Variants in AMDHD1 observed in about 807,000 individuals in gnomAD.
AMDHD1 encodes the protein probable imidazolonepropionase.
A neutral mutation model predicts 44.1 loss-of-function variants in AMDHD1; 45 were observed. That is an observed-to-expected ratio of 1.02 (90% CI 0.80 to 1.31). The LOEUF is 1.31. Among genes scored for constraint, AMDHD1 ranks in the 50% most tolerant of loss-of-function variants. AMDHD1 has a pLI of 0.00. For missense variants in AMDHD1, 586 were observed against 552.1 expected (o/e 1.06, Z -0.61); for synonymous variants, 206 against 205.0 (o/e 1.00, Z -0.04).
intron 3 of AMDHD1, 87 bp from the exon 4 acceptor site, chr12:95,956,598 A>G: frequency 1.9e-6 from 3 of 1,540,324 alleles, no homozygotes; most frequent in South Asian, 2.5e-5. Context: ...CTTAATCATT[A>G]TATAATATTG....
intron 5 of AMDHD1, among the ~76,000 whole-genome samples, chr12:95,961,105 A>G (rs1033633893): frequency 1.4e-5 from 2 of 143,242 alleles, no homozygotes; most frequent in African/African-American, 5.3e-5. Flanking sequence ...AGATCATGCC[A>G]CTGCACTCCA....
chr12:95,965,284 C>G (rs566945154), intron 6 of AMDHD1, among the ~76,000 whole-genome samples: 25 of 112,864 alleles, frequency 2.2e-4, no homozygotes, highest in Non-Finnish European at 3.8e-4. Context: ...GGGCAAGAGA[C>G]AGAGATTCCA....
chr12:95,953,306 C>A (rs573918443), intron 2 of AMDHD1, among the ~76,000 whole-genome samples: 2 of 152,224 alleles, frequency 1.3e-5, no homozygotes, highest in South Asian at 4.2e-4. Flanking sequence ...GGATGTGAAA[C>A]AAAGGATCCA....
intron 1 of AMDHD1, among the ~76,000 whole-genome samples, chr12:95,947,796 C>T (rs1402163447): frequency 1.4e-4 from 12 of 86,274 alleles, no homozygotes; most frequent in African/African-American, 2.1e-4. Context: ...CCAGCCGCCC[C>T]GTCCGGGAGG....
chr12:95,944,327 T>TTTTTTTTA (rs1555234323), intron 1 of AMDHD1, among the ~76,000 whole-genome samples: 10 of 141,642 alleles, frequency 7.1e-5, no homozygotes, highest in South Asian at 4.6e-4. Context: ...GTTGGTTTAA[T>TTTTTTTTA]TTTATTTATT....
At position 95,943,465 on chromosome 12, in the gene AMDHD1, G is replaced by C; in HGVS notation, c.67G>C (p.Glu23Gln). Residue 23 changes from glutamate (E) to glutamine (Q), a missense_variant, in exon 1 of 9, where the codon GAG (glutamate) becomes CAG (glutamine). Glu to Gln is a conservative substitution (Grantham distance 29). Coordinates refer to ENST00000266736, the MANE Select transcript of AMDHD1 (RefSeq NM_152435.3). ...QQVVLVCARG[E>Q]RFLARDALRS... ...AGTGGTGCTGGTGTGCGCCCGCGGC[G>C]AGCGCTTCCTGGCGCGGGATGCGCT... The C allele has an allele frequency of 6.6e-7, 1 of 1,504,318 alleles. No individual in the cohort carries two copies. The allele number at this position is 1,504,318 out of a possible 1,614,324, so 93.2% of individuals were successfully genotyped here.
chr12:95,960,702 T>A, intron 5 of AMDHD1, 79 bp downstream of exon 5: 1 of 1,372,930 alleles, frequency 7.3e-7, no homozygotes, highest in African/African-American at 1.4e-5. Flanking sequence ...ATTAGTTTCT[T>A]CAAAGCCCTC....
Position 95,956,853 on chromosome 12 carries a change from G to T in AMDHD1, c.478G>T (p.Gly160Cys). ...TTLVECKSGY[G>C]LDLETELKML... Reference sequence around the variant, plus strand: ...GCTGGTGGAGTGCAAGAGTGGATATGGCCTCGACCTGGAGACCGAGCTCAA... The same window carrying T: ...GCTGGTGGAGTGCAAGAGTGGATATTGCCTCGACCTGGAGACCGAGCTCAA... The change falls in exon 4 of 9, where the codon GGC (glycine) becomes TGC (cysteine). Residue 160 changes from glycine (G) to cysteine (C), a missense_variant. Gly to Cys is a radical substitution (Grantham distance 159). Coordinates refer to ENST00000266736, the MANE Select transcript of AMDHD1 (RefSeq NM_152435.3). 1 of 1,614,226 alleles carries T rather than the reference G, an allele frequency of 6.2e-7. No individual in the cohort carries two copies.
intron 1 of AMDHD1, among the ~76,000 whole-genome samples, chr12:95,944,872 G>A (rs1012057160): frequency 1.1e-4 from 17 of 152,136 alleles, no homozygotes; most frequent in Non-Finnish European, 2.2e-4. Flanking sequence ...AGTGACTCAC[G>A]CCTGCAATCC....
chr12:95,956,871 G>C lies in AMDHD1; in HGVS notation c.496G>C (p.Glu166Gln). 1 of 1,614,120 alleles carries C rather than the reference G, an allele frequency of 6.2e-7. No homozygotes were observed. Among genetic ancestry groups the C allele is most frequent in the Non-Finnish European group, 8.5e-7 (1 of 1,180,048 alleles). The change falls in exon 4 of 9, where the codon GAG becomes CAG. Residue 166 changes from glutamate (E) to glutamine (Q), a missense_variant. Transcript: ENST00000266736. The stretch of plus-strand genomic sequence containing the variant: ...TGGATATGGCCTCGACCTGGAGACC[G>C]AGCTCAAGATGCTGCGCGTGATTGA... ...KSGYGLDLET[E>Q]LKMLRVIERA... is the part of the protein sequence containing the mutation.
At chr12:95,950,354 T>G (rs1359865353) in intron 1 of AMDHD1, among the ~76,000 whole-genome samples, 1 of 152,218 alleles carries the variant, frequency 6.6e-6, no homozygotes. Context: ...CCATCCAGTT[T>G]CTTCTGCTCT....
At position 95,956,973 on chromosome 12, in the gene AMDHD1, C is replaced by T. The variant is rs1409308324; in HGVS notation, c.587+11C>T. 2 of 1,611,412 alleles carry T rather than the reference C, an allele frequency of 1.2e-6. No homozygotes were observed. The highest frequency in any genetic ancestry group is 8.5e-7 in the Non-Finnish European group (1 of 1,179,404). On this transcript the variant is annotated intron_variant, in intron 4 of 8. Coordinates refer to ENST00000266736, the MANE Select transcript of AMDHD1 (RefSeq NM_152435.3). ...TCATTCAGTGCCTAAGTAATCTCAG[C>T]CAGTGGGGGCCCGGGTTTAACTCAG... is the stretch of plus-strand genomic sequence containing the variant.
At position 95,966,382 on chromosome 12, in the gene AMDHD1, G is replaced by C. The variant is rs1285500537; in HGVS notation, c.1067G>C (p.Arg356Thr). ...ATGCATCTGGCCTGTGTAAACATGA[G>C]AATGTCCATGCCTGAGGCCTTGGCC... ...MVMHLACVNMRMSMPEALAAA... is the reference protein window; with the variant it reads ...MVMHLACVNMTMSMPEALAAA... Residue 356 changes from arginine to threonine, a missense_variant, in exon 8 of 9, where the codon AGA (arginine) becomes ACA (threonine). Arg to Thr is a moderately conservative substitution (Grantham distance 71). Transcript: ENST00000266736. The C allele has an allele frequency of 1.2e-6, 2 of 1,614,098 alleles. No individual in the cohort carries two copies. The highest frequency in any genetic ancestry group is 1.7e-6 in the Non-Finnish European group (2 of 1,180,050).
rs548376083 is a variant in AMDHD1, at chr12:95,963,791, G to A, written c.938+1312G>A. 4.2e-4 allele frequency among the ~76,000 whole-genome samples: 64 copies of A among 152,232 alleles called. No homozygotes were observed. In the South Asian group the frequency reaches 0.011, roughly 25 times the overall value. ...ACGCCTGTAATCCCAGTACTTTTGG[G>A]AAGCCGAGGTGGGCAGATCACTTGA... On this transcript the variant is annotated intron_variant, in intron 6 of 8. Transcript: ENST00000266736.
At chr12:95,962,158 C>T (rs1474128889) in intron 5 of AMDHD1, among the ~76,000 whole-genome samples, 197 bp from the exon 6 acceptor site, 8 of 152,120 alleles carry the variant, frequency 5.3e-5, no homozygotes, top group Non-Finnish European at 5.9e-5. Context: ...CCTAGCTGCT[C>T]GGGAGGCTGA....
intron 1 of AMDHD1, 95 bp from the exon 2 acceptor site, chr12:95,952,622 A>T: frequency 1.2e-6 from 1 of 806,988 alleles, no homozygotes; most frequent in Non-Finnish European, 2.0e-6. Context: ...TTGACTAATT[A>T]ACACCAAAGA....
chr12:95,965,987 T>C (rs1428159797), intron 7 of AMDHD1, among the ~76,000 whole-genome samples: 1 of 152,238 alleles, frequency 6.6e-6, no homozygotes, highest in Non-Finnish European at 1.5e-5. Context: ...GAGAAGCTTC[T>C]ACATGCATTA....
chr12:95,952,796 G>A lies in AMDHD1; in HGVS notation c.217G>A (p.Asp73Asn), dbSNP rs975652964. Residue 73 changes from aspartate (D) to asparagine (N), a missense_variant, in exon 2 of 9, where the codon GAC becomes AAC. By Grantham distance (23) the Asp-to-Asn change is conservative. Transcript: ENST00000266736. ...FSGETFEEII[D>N]CSGKCILPGL... ...TGGAGAAACTTTTGAAGAAATAATT[G>A]ACTGCTCTGGGAAATGTATTCTACC... The A allele has an allele frequency of 8.7e-6, 14 of 1,610,630 alleles. No homozygotes were observed. The highest frequency in any genetic ancestry group is 6.7e-5 in the African/African-American group (5 of 74,868).
At chr12:95,964,141 G>A (rs7975895) in intron 6 of AMDHD1, among the ~76,000 whole-genome samples, 25,493 of 151,848 alleles carry the variant, frequency 0.17, 2,379 homozygotes, top group East Asian at 0.42. Context: ...TTAAAAGTCT[G>A]AACTTTGTTC....
Sources: gnomAD v4.1 joint callset for allele counts (sites outside exome capture counted in the v4.1 genomes callset) on GRCh38, gnomAD v4.1.1 for gene constraint, MANE v1.5 for transcripts, NCBI Gene and HGNC (gene_info 2026-07-23, HGNC 2026-07-21) for gene names.